The following RFTN2 variants were observed in gnomAD, a reference collection of about 807,000 sequenced individuals.
RFTN2 encodes raftlin-2.
In RFTN2, 34 loss-of-function variants were observed where a neutral mutation model predicts 52.7. The observed-to-expected ratio is 0.64, with a 90% CI of 0.49 to 0.86. The LOEUF is 0.86. Among genes scored for constraint, RFTN2 ranks in the 40% least tolerant of loss-of-function variants. The pLI, the probability that RFTN2 is intolerant of heterozygous loss-of-function variation, is 0.00. For synonymous variants in RFTN2, 203 were observed against 217.7 expected, an observed-to-expected ratio of 0.93 and a Z score of 0.59; for missense variants, 536 against 600.1, an observed-to-expected ratio of 0.89 and a Z score of 1.12.
chr2:197,597,192 G>A (rs1418388309), intron 7 of RFTN2, among the ~76,000 whole-genome samples: 1 of 152,192 alleles, frequency 6.6e-6, no homozygotes, highest in Non-Finnish European at 1.5e-5. Flanking sequence ...TCCTCAAAGT[G>A]ATAACAGGAG....
chr2:197,641,582 AT>A (rs1199420041), intron 3 of RFTN2, among the ~76,000 whole-genome samples: 2 of 152,044 alleles, frequency 1.3e-5, no homozygotes, highest in East Asian at 1.9e-4. Context: ...TAAAGTATTA[AT>A]TTTTTTTCCA....
At chr2:197,613,790 C>T (rs950418740) in intron 7 of RFTN2, among the ~76,000 whole-genome samples, 2 of 152,168 alleles carry the variant, frequency 1.3e-5, no homozygotes, top group Non-Finnish European at 2.9e-5. Flanking sequence ...ACAAAATAAA[C>T]ACCAATATTG....
At chr2:197,573,105 G>A (rs113662443) in intron 8 of RFTN2, among the ~76,000 whole-genome samples, 25,288 of 151,552 alleles carry the variant, frequency 0.17, 2,267 homozygotes, top group Middle Eastern at 0.29. Flanking sequence ...GTAGAGTGGC[G>A]GGGGTGGGGG....
At chr2:197,620,651 T>G (rs1182732832) in intron 5 of RFTN2, among the ~76,000 whole-genome samples, 1 of 152,242 alleles carries the variant, frequency 6.6e-6, no homozygotes, top group Non-Finnish European at 1.5e-5. Flanking sequence ...ATGAAGAATT[T>G]GCATTGTTCA....
At chr2:197,607,578 CT>C (rs1286419011) in intron 7 of RFTN2, among the ~76,000 whole-genome samples, 1 of 151,944 alleles carries the variant, frequency 6.6e-6, no homozygotes, top group Non-Finnish European at 1.5e-5. Flanking sequence ...TTTATGTTAA[CT>C]TTTGCTTCAT....
At chr2:197,579,334 C>T (rs892888382) in intron 8 of RFTN2, among the ~76,000 whole-genome samples, 4 of 152,188 alleles carry the variant, frequency 2.6e-5, no homozygotes, top group African/African-American at 7.2e-5. Context: ...GGGCTTGCCT[C>T]CTTCACTATG....
At chr2:197,572,656 T>C (rs1460754057) in intron 8 of RFTN2, among the ~76,000 whole-genome samples, 1 of 152,132 alleles carries the variant, frequency 6.6e-6, no homozygotes, top group East Asian at 1.9e-4. Flanking sequence ...TTAGTTCAGA[T>C]CTATACAGCA....
intron 6 of RFTN2, among the ~76,000 whole-genome samples, chr2:197,617,499 G>A (rs186081823): frequency 9.3e-4 from 141 of 152,042 alleles, no homozygotes; most frequent in African/African-American, 3.4e-3. Context: ...GCAACATGGC[G>A]AGACCCTGTC....
intron 1 of RFTN2, among the ~76,000 whole-genome samples, chr2:197,651,384 C>T (rs1022660118): frequency 2.0e-5 from 3 of 152,196 alleles, no homozygotes. Flanking sequence ...TTTCAATGGC[C>T]AGAGCGGGTG....
intron 8 of RFTN2, among the ~76,000 whole-genome samples, chr2:197,592,205 T>A (rs2087727908): frequency 6.6e-6 from 1 of 152,182 alleles, no homozygotes; most frequent in South Asian, 2.1e-4. Flanking sequence ...GAGAAAAATT[T>A]TTTTTTTGAG....
intron 5 of RFTN2, among the ~76,000 whole-genome samples, chr2:197,622,506 A>G (rs1200869559): frequency 6.6e-6 from 1 of 152,064 alleles, no homozygotes; most frequent in East Asian, 1.9e-4. Context: ...GGGTTTCACC[A>G]TTTTAGCCAG....
In RFTN2 at chr2:197,626,014, C is replaced by G. The variant is rs138600289; in HGVS notation, c.928+4997G>C. On this transcript the variant is annotated intron_variant, in intron 5 of 8. Coordinates refer to ENST00000295049, the MANE Select transcript of RFTN2 (RefSeq NM_144629.3). ...GTGTTGGCCAGGCTAGTCTTGAACT[C>G]CTGACCTCAAGTGATCCACCTGCCT... Among the ~76,000 whole-genome samples, 738 of 152,200 alleles carry G rather than the reference C, an allele frequency of 4.8e-3. 8 individuals are homozygous for G. The highest frequency in any genetic ancestry group is 0.016 in the African/African-American group (655 of 41,540).
intron 8 of RFTN2, among the ~76,000 whole-genome samples, chr2:197,589,933 G>A (rs1016752250): frequency 1.1e-4 from 16 of 151,906 alleles, no homozygotes; most frequent in African/African-American, 2.9e-4. Context: ...TTGAGACAAG[G>A]TCTCACTCTG....
At chr2:197,603,329 A>G (rs2087908867) in intron 7 of RFTN2, among the ~76,000 whole-genome samples, 1 of 152,232 alleles carries the variant, frequency 6.6e-6, no homozygotes, top group Non-Finnish European at 1.5e-5. Flanking sequence ...ACATTTGTCG[A>G]TTTTAAAATT....
intron 1 of RFTN2, among the ~76,000 whole-genome samples, chr2:197,664,113 C>G (rs1453219067): frequency 1.3e-5 from 2 of 151,984 alleles, no homozygotes; most frequent in Non-Finnish European, 2.9e-5. Flanking sequence ...CAAAGTTCTT[C>G]TTGGTATTGA....
At chr2:197,576,640 A>G (rs2087425022) in intron 8 of RFTN2, among the ~76,000 whole-genome samples, 2 of 152,106 alleles carry the variant, frequency 1.3e-5, no homozygotes. Flanking sequence ...ATACCCGGGT[A>G]TTTTCTACTG....
intron 7 of RFTN2, among the ~76,000 whole-genome samples, chr2:197,605,698 T>C (rs373533038): frequency 6.6e-6 from 1 of 152,216 alleles, no homozygotes; most frequent in East Asian, 1.9e-4. Flanking sequence ...ACTAATTGAA[T>C]GCCACATTTT....
At chr2:197,617,140 A>C (rs1005728098) in intron 6 of RFTN2, among the ~76,000 whole-genome samples, 9 of 152,302 alleles carry the variant, frequency 5.9e-5, no homozygotes, top group Admixed American at 5.2e-4. Flanking sequence ...GTTAAAAAAA[A>C]CCTCAGTCAC....
At chr2:197,620,238 T>C (rs1433161312) in intron 5 of RFTN2, among the ~76,000 whole-genome samples, 1 of 151,992 alleles carries the variant, frequency 6.6e-6, no homozygotes, top group Admixed American at 6.6e-5. Context: ...ACAGAAGTCA[T>C]TGTCAAAAGA....
Sources: gnomAD v4.1 joint callset for allele counts (sites outside exome capture counted in the v4.1 genomes callset) on GRCh38, gnomAD v4.1.1 for gene constraint, MANE v1.5 for transcripts, NCBI Gene and HGNC (gene_info 2026-07-23, HGNC 2026-07-21) for gene names.